GRID2: variants seen among roughly 807,000 people sequenced by gnomAD.
GRID2 encodes glutamate receptor ionotropic, delta-2.
GRID2 carries 33 observed loss-of-function variants against 114.8 expected under a neutral mutation model. The ratio of observed to expected loss-of-function variants is 0.29; its 90% CI spans 0.22 to 0.38. GRID2 has a LOEUF of 0.38. Among genes scored for constraint, GRID2 ranks in the 10% least tolerant of loss-of-function variants. The pLI, the probability that GRID2 is intolerant of heterozygous loss-of-function variation, is 1.00. For synonymous variants in GRID2, 505 were observed against 449.9 expected, an observed-to-expected ratio of 1.12 and a Z score of -1.55; for missense variants, 1,184 against 1,257.7, an observed-to-expected ratio of 0.94 and a Z score of 0.89.
chr4:92,695,192 C>T (rs1734368909), intron 2 of GRID2, among the ~76,000 whole-genome samples: 1 of 152,044 alleles, frequency 6.6e-6, no homozygotes, highest in African/African-American at 2.4e-5. Context: ...TCTCGAACTC[C>T]TGGGCTTAAG....
chr4:93,460,720 G>A (rs1905726), intron 11 of GRID2, among the ~76,000 whole-genome samples: 2,698 of 152,162 alleles, frequency 0.018, 68 homozygotes, highest in African/African-American at 0.062. Flanking sequence ...TTTAATGAAT[G>A]GATGCTAAAT....
intron 14 of GRID2, among the ~76,000 whole-genome samples, chr4:93,750,853 G>C (rs1226617436): frequency 6.6e-6 from 1 of 152,184 alleles, no homozygotes; most frequent in Admixed American, 6.5e-5. Context: ...AAAGAGATGA[G>C]TTAGTTCCTA....
intron 8 of GRID2, among the ~76,000 whole-genome samples, chr4:93,279,003 C>T (rs1329089119): frequency 1.3e-5 from 2 of 151,744 alleles, no homozygotes; most frequent in Non-Finnish European, 2.9e-5. Context: ...TTTTAACAAC[C>T]GCTTTTAAGT....
intron 8 of GRID2, among the ~76,000 whole-genome samples, chr4:93,316,330 A>AAGAG (rs1245874639): frequency 1.9e-5 from 1 of 53,492 alleles, no homozygotes; most frequent in East Asian, 1.0e-3. Flanking sequence ...GAAAGAAAGA[A>AAGAG]AGAAAGAAAG....
At chr4:93,000,494 T>A (rs2149216213) in intron 2 of GRID2, among the ~76,000 whole-genome samples, 1 of 151,682 alleles carries the variant, frequency 6.6e-6, no homozygotes, top group African/African-American at 2.4e-5. Context: ...TTAAAAATAA[T>A]CTAACCCCAA....
chr4:92,464,026 T>G (rs1277698393), intron 1 of GRID2, among the ~76,000 whole-genome samples: 7 of 152,162 alleles, frequency 4.6e-5, no homozygotes, highest in Admixed American at 3.9e-4. Flanking sequence ...GCTAAGTCAC[T>G]TTCAGAGACT....
intron 1 of GRID2, among the ~76,000 whole-genome samples, chr4:92,581,523 C>G (rs999271286): frequency 6.6e-6 from 1 of 152,000 alleles, no homozygotes; most frequent in Non-Finnish European, 1.5e-5. Context: ...TTCTGGATAA[C>G]TATACAGGTT....
chr4:93,133,990 G>C (rs542582470), intron 4 of GRID2, among the ~76,000 whole-genome samples: 1 of 152,126 alleles, frequency 6.6e-6, no homozygotes, highest in Non-Finnish European at 1.5e-5. Flanking sequence ...CTCACTTTTA[G>C]GGTGAATAAA....
chr4:93,345,700 C>CA (rs1351042088), intron 8 of GRID2, among the ~76,000 whole-genome samples: 3 of 151,274 alleles, frequency 2.0e-5, no homozygotes, highest in African/African-American at 4.8e-5. Context: ...GGTTACAGCC[C>CA]AAAAAAAATC....
intron 4 of GRID2, among the ~76,000 whole-genome samples, chr4:93,199,912 A>G (rs1477824712): frequency 1.3e-5 from 2 of 152,204 alleles, no homozygotes. Context: ...GAAGAAAACA[A>G]AACTCAGGTC....
At chr4:92,668,698 T>C (rs1732905459) in intron 2 of GRID2, among the ~76,000 whole-genome samples, 1 of 151,866 alleles carries the variant, frequency 6.6e-6, no homozygotes, top group African/African-American at 2.4e-5. Context: ...TTAGCATGAC[T>C]TACCCATCTG....
At chr4:93,369,697 C>T (rs1762686952) in intron 8 of GRID2, among the ~76,000 whole-genome samples, 1 of 152,056 alleles carries the variant, frequency 6.6e-6, no homozygotes, top group African/African-American at 2.4e-5. Context: ...CTGTGTTGAC[C>T]AGGCTGGTCT....
chr4:92,941,864 T>G (rs1213192978), intron 2 of GRID2, among the ~76,000 whole-genome samples: 2 of 152,208 alleles, frequency 1.3e-5, no homozygotes, highest in African/African-American at 4.8e-5. Context: ...TCAATTTCCA[T>G]GTAGTTGAGT....
chr4:92,648,912 GATAA>G (rs1441305691), intron 2 of GRID2, among the ~76,000 whole-genome samples: 2 of 143,854 alleles, frequency 1.4e-5, no homozygotes, highest in African/African-American at 2.7e-5. Context: ...ACATAAATAT[GATAA>G]ATATATTTCA....
chr4:92,656,209 A>AT (rs1204378330), intron 2 of GRID2, among the ~76,000 whole-genome samples: 1 of 151,602 alleles, frequency 6.6e-6, no homozygotes, highest in Non-Finnish European at 1.5e-5. Context: ...TAGCTTTTGT[A>AT]TTTTTTATTT....
chr4:93,672,453 C>CA (rs1306260159), intron 14 of GRID2, among the ~76,000 whole-genome samples: 2 of 152,186 alleles, frequency 1.3e-5, no homozygotes, highest in African/African-American at 4.8e-5. Context: ...AGCTACAATT[C>CA]AAAAATGTAT....
chr4:93,754,227 A>T (rs556945614), intron 14 of GRID2, among the ~76,000 whole-genome samples: 10 of 152,226 alleles, frequency 6.6e-5, no homozygotes, highest in Non-Finnish European at 1.3e-4. Flanking sequence ...TATGAGGTAC[A>T]TGACTGTAAT....
At chr4:93,457,385 A>T (rs765160736) in intron 11 of GRID2, among the ~76,000 whole-genome samples, 1 of 152,076 alleles carries the variant, frequency 6.6e-6, no homozygotes, top group African/African-American at 2.4e-5. Context: ...AAATTAAGAT[A>T]GTCCAAGCAG....
intron 8 of GRID2, among the ~76,000 whole-genome samples, chr4:93,357,441 T>G (rs939909239): frequency 5.3e-5 from 8 of 151,596 alleles, no homozygotes; most frequent in Non-Finnish European, 1.5e-5. Flanking sequence ...TTTTTTCATT[T>G]TTCTTTAAAT....
Sources: gnomAD v4.1 joint callset for allele counts (sites outside exome capture counted in the v4.1 genomes callset) on GRCh38, gnomAD v4.1.1 for gene constraint, MANE v1.5 for transcripts, NCBI Gene and HGNC (gene_info 2026-07-23, HGNC 2026-07-21) for gene names.